The following TMCO2 variants were observed in gnomAD, a reference collection of about 807,000 sequenced individuals.
The protein encoded by TMCO2 is transmembrane and coiled-coil domains 2.
A neutral mutation model predicts 18.0 loss-of-function variants in TMCO2; 15 were observed. The observed-to-expected ratio is 0.84, with a 90% CI of 0.56 to 1.29. The LOEUF (loss-of-function observed/expected upper bound fraction) is 1.29, where lower values mean the gene tolerates loss of function less well. Among genes scored for constraint, TMCO2 ranks in the 50% most tolerant of loss-of-function variants. The pLI is 0.00. For missense variants in TMCO2, 182 were observed against 200.9 expected (o/e 0.91, Z 0.57); for synonymous variants, 79 against 75.9 (o/e 1.04, Z -0.21).
rs776200825 is a variant in TMCO2 at position 40,251,511 on chromosome 1, A to C, written c.466A>C (p.Arg156=). 6.2e-7 allele frequency: 1 copy of C among 1,614,030 alleles called. No homozygotes were observed. Among genetic ancestry groups the C allele is most frequent in the Non-Finnish European group, 8.5e-7 (1 of 1,180,004 alleles). The change falls in exon 2 of 2, where the codon AGG becomes CGG. Residue 156 remains arginine (R), a synonymous_variant. Coordinates refer to ENST00000372766, the MANE Select transcript of TMCO2 (RefSeq NM_001008740.4). ...IIVAQKPATK[R]DCSSEPYCSC... is the part of the protein sequence containing the mutation. ...CGTTGCTCAAAAACCTGCCACGAAG[A>C]GGGATTGCTCCTCTGAGCCCTACTG...
intron 1 of TMCO2, among the ~76,000 whole-genome samples, chr1:40,250,252 C>T (rs1325973745): frequency 1.3e-5 from 2 of 151,660 alleles, no homozygotes; most frequent in African/African-American, 4.8e-5. Flanking sequence ...ATGCAATCCT[C>T]CCATCTCAGC....
chr1:40,248,276 T>C, intron 1 of TMCO2, 46 bp downstream of exon 1: 1 of 1,500,804 alleles, frequency 6.7e-7, no homozygotes, highest in South Asian at 1.2e-5. Flanking sequence ...TAAATTGAAA[T>C]TTGATTAGTT....
rs568075489 is a variant in TMCO2 at position 40,250,869 on chromosome 1, G to A, written c.238-414G>A. On this transcript the variant is annotated intron_variant, in intron 1 of 1. Transcript: ENST00000372766. Reference sequence around the variant, plus strand: ...ATATTTTGCTAAGGCCGGGCATGGTGGCTTACGCCTGTAATCCCAGCATTT... The same window carrying A: ...ATATTTTGCTAAGGCCGGGCATGGTAGCTTACGCCTGTAATCCCAGCATTT... Among the ~76,000 whole-genome samples the A allele has an allele frequency of 3.3e-5, 5 of 152,356 alleles. No homozygotes were observed. In the South Asian group the frequency reaches 1.0e-3, roughly 32 times the overall value.
At chr1:40,249,875 A>G (rs1359231642) in intron 1 of TMCO2, among the ~76,000 whole-genome samples, 1 of 152,052 alleles carries the variant, frequency 6.6e-6, no homozygotes, top group Non-Finnish European at 1.5e-5. Context: ...GGGTTTCACC[A>G]TGTTGGCCAG....
In TMCO2 at chr1:40,248,068, A is replaced by C. The variant is rs1643352515; in HGVS notation, c.75A>C (p.Ile25=). Residue 25 remains isoleucine, a synonymous_variant, in exon 1 of 2, where the codon ATA becomes ATC. Coordinates refer to ENST00000372766, the MANE Select transcript of TMCO2 (RefSeq NM_001008740.4). The stretch of plus-strand genomic sequence containing the variant: ...CTCTCAGCACAGTATGGAATTGGAT[A>C]CAAGCAAGTTTTTTGGGAGAGACTA... ...SLSLSTVWNW[I]QASFLGETSA... is the part of the protein sequence containing the mutation. The C allele has an allele frequency of 6.2e-7, 1 of 1,614,110 alleles. No homozygotes were observed. Among genetic ancestry groups the C allele is most frequent in the Admixed American group, 1.7e-5 (1 of 60,004 alleles).
chr1:40,248,084 GGA>G lies in TMCO2; in HGVS notation c.96_97del (p.Glu32AspfsTer2). The stretch of plus-strand genomic sequence containing the variant: ...GAATTGGATACAAGCAAGTTTTTTG[GGA>G]GAGACTAGTGCACCTCAGCAAACAA... ...VWNWIQASFL[G>X]ETSAPQQTSL... On this transcript the variant is annotated frameshift_variant, in exon 1 of 2. Coordinates refer to ENST00000372766, the MANE Select transcript of TMCO2 (RefSeq NM_001008740.4). LOFTEE classifies it high-confidence loss of function. 6.2e-7 allele frequency: 1 copy of G among 1,614,150 alleles called. No individual in the cohort carries two copies. Among genetic ancestry groups the G allele is most frequent in the East Asian group, 2.2e-5 (1 of 44,884 alleles).
chr1:40,248,233 T>C lies in TMCO2; in HGVS notation c.237+3T>C, dbSNP rs1643354225. ...AACGAAGTATTCAGTCAATTCAGGT[T>C]ATACTCTTTTGTTACAAACATTTAT... On this transcript the variant is annotated splice_donor_region_variant and intron_variant, in intron 1 of 1. Transcript: ENST00000372766. 1 of 1,602,622 alleles carries C rather than the reference T, an allele frequency of 6.2e-7. No individual in the cohort carries two copies. Among genetic ancestry groups the C allele is most frequent in the Non-Finnish European group, 8.5e-7 (1 of 1,170,602 alleles).
At position 40,250,181 on chromosome 1, in the gene TMCO2, T is replaced by G. The variant is rs1643370557; in HGVS notation, c.238-1102T>G. On this transcript the variant is annotated intron_variant, in intron 1 of 1. Coordinates refer to ENST00000372766, the MANE Select transcript of TMCO2 (RefSeq NM_001008740.4). Reference sequence around the variant, plus strand: ...TTGGCTAATTTTAAAAATTTTTTTGTAGAGACAGGGTCTCGCTACGTTCAC... The same window carrying G: ...TTGGCTAATTTTAAAAATTTTTTTGGAGAGACAGGGTCTCGCTACGTTCAC... Among the ~76,000 whole-genome samples the G allele has an allele frequency of 3.3e-5, 5 of 151,818 alleles. No homozygotes were observed. The South Asian group carries it at 1.0e-3, about 32-fold the overall frequency.
chr1:40,250,000 T>A (rs996908951), intron 1 of TMCO2, among the ~76,000 whole-genome samples: 38 of 149,938 alleles, frequency 2.5e-4, no homozygotes, highest in East Asian at 1.9e-4. Context: ...TTTTTTATTT[T>A]TTTTTTATGT....
chr1:40,249,255 A>ATGTGTC (rs1643360558), intron 1 of TMCO2, among the ~76,000 whole-genome samples: 1 of 139,834 alleles, frequency 7.2e-6, no homozygotes, highest in African/African-American at 2.6e-5. Context: ...TTGAACAGGA[A>ATGTGTC]TGTGTGTGTG....
intron 1 of TMCO2, among the ~76,000 whole-genome samples, chr1:40,249,759 T>C (rs1643366373): frequency 6.6e-6 from 1 of 151,678 alleles, no homozygotes. Flanking sequence ...CTGCAACCTC[T>C]GCCTCCCAGG....
intron 1 of TMCO2, among the ~76,000 whole-genome samples, chr1:40,249,517 T>G (rs545407896): frequency 9.3e-5 from 14 of 150,014 alleles, no homozygotes; most frequent in Admixed American, 3.3e-4. Context: ...AGGTGGAGGT[T>G]GCAGTGAGCC....
At chr1:40,249,742 C>T (rs974541873) in intron 1 of TMCO2, among the ~76,000 whole-genome samples, 9 of 151,718 alleles carry the variant, frequency 5.9e-5, no homozygotes, top group Admixed American at 2.0e-4. Context: ...GGTGCAATTT[C>T]GGCTCACTGC....
Position 40,248,143 on chromosome 1 carries a change from T to C in TMCO2, c.150T>C (p.Ala50=), listed in dbSNP as rs1409487070. Residue 50 remains alanine (A), a synonymous_variant, in exon 1 of 2, where the codon GCT becomes GCC. Transcript: ENST00000372766. ...SLGLLDNLAP[A]VQIILRISFL... is the part of the protein sequence containing the mutation. Reference sequence around the variant, plus strand: ...GACTATTAGATAATCTTGCTCCAGCTGTGCAAATCATCTTGAGGATTTCTT... The same window carrying C: ...GACTATTAGATAATCTTGCTCCAGCCGTGCAAATCATCTTGAGGATTTCTT... The C allele has an allele frequency of 6.2e-7, 1 of 1,614,198 alleles. No individual in the cohort carries two copies.
Position 40,248,352 on chromosome 1 carries a change from T to C in TMCO2, c.237+122T>C, listed in dbSNP as rs559399318. The C allele has an allele frequency of 5.4e-5, 44 of 807,948 alleles. 2 individuals carry two copies. The South Asian group carries it at 7.9e-4, about 15-fold the overall frequency. 50.0% of individuals were successfully genotyped at this position (807,948 alleles called of 1,614,324 possible). A position where few individuals can be genotyped will look rare whatever the true frequency, so the allele number is the denominator to read the frequency against. ...TGTGCAAAGGCGAACCTTTGTCTCT[T>C]AAGTTGGCAAAAACTAGGTTATCCT... On this transcript the variant is annotated intron_variant, in intron 1 of 1. Transcript: ENST00000372766.
chr1:40,250,756 A>G (rs1324919419), intron 1 of TMCO2, among the ~76,000 whole-genome samples: 1 of 152,224 alleles, frequency 6.6e-6, no homozygotes, highest in Admixed American at 6.5e-5. Context: ...TATTATTACA[A>G]TCTTGATTAA....
At chr1:40,249,928 G>A (rs1392491028) in intron 1 of TMCO2, among the ~76,000 whole-genome samples, 1 of 151,932 alleles carries the variant, frequency 6.6e-6, no homozygotes, top group Non-Finnish European at 1.5e-5. Flanking sequence ...GCCCACCTTG[G>A]CCTCCCAAAG....
At position 40,248,041 on chromosome 1, in the gene TMCO2, C is replaced by G. The variant is rs1228002606; in HGVS notation, c.48C>G (p.Leu16=). 1.2e-6 allele frequency: 2 copies of G among 1,614,222 alleles called. No homozygotes were observed. The highest frequency in any genetic ancestry group is 1.7e-6 in the Non-Finnish European group (2 of 1,180,030). Residue 16 remains leucine, a synonymous_variant, in exon 1 of 2, where the codon CTC becomes CTG. Transcript: ENST00000372766. ...SSSWDNLLES[L]SLSTVWNWIQ... ...GCTGGGACAACCTCTTAGAGTCTCT[C>G]TCTCTCAGCACAGTATGGAATTGGA...
At chr1:40,251,136 C>CAA (rs59384076) in intron 1 of TMCO2, 147 bp from the exon 2 acceptor site, 92,130 of 403,076 alleles carry the variant, frequency 0.23, 6,249 homozygotes, top group African/African-American at 0.35. Context: ...AACTCCATCT[C>CAA]AAAAAAAAAA....
Sources: allele counts gnomAD v4.1 joint callset (sites outside exome capture counted in the v4.1 genomes callset), GRCh38; gene constraint gnomAD v4.1.1; transcripts MANE v1.5; gene names NCBI Gene and HGNC (gene_info 2026-07-23, HGNC 2026-07-21).